Variants in TMEM266 observed in about 807,000 individuals in gnomAD.
The protein encoded by TMEM266 is Hv1 related protein 1.
In TMEM266, 33 loss-of-function variants were observed where a neutral mutation model predicts 50.5. That is an observed-to-expected ratio of 0.65 (90% CI 0.50 to 0.87). TMEM266 has a LOEUF of 0.87. TMEM266 is among the 40% of genes least tolerant of loss of function. The pLI is 0.00. For synonymous variants in TMEM266, 310 were observed against 292.3 expected (o/e 1.06, Z -0.62); for missense variants, 655 against 695.1 (o/e 0.94, Z 0.65).
chr15:76,069,344 G>A (rs895497863), intron 1 of TMEM266, among the ~76,000 whole-genome samples: 3 of 152,202 alleles, frequency 2.0e-5, no homozygotes, highest in Non-Finnish European at 2.9e-5. Flanking sequence ...CTGGTTTGGT[G>A]ATGAACCACC....
intron 5 of TMEM266, among the ~76,000 whole-genome samples, chr15:76,164,405 G>A (rs577580612): frequency 2.0e-5 from 3 of 152,024 alleles, no homozygotes; most frequent in Admixed American, 6.5e-5. Flanking sequence ...ATGGGGTTTC[G>A]CCATGTTGCC....
chr15:76,169,214 A>C (rs1281985516), intron 5 of TMEM266, among the ~76,000 whole-genome samples: 1 of 151,956 alleles, frequency 6.6e-6, no homozygotes, highest in Non-Finnish European at 1.5e-5. Context: ...CTTGCTACCC[A>C]TTGGCCAGAA....
chr15:76,072,805 T>G (rs1259598758), intron 1 of TMEM266, among the ~76,000 whole-genome samples: 2 of 151,298 alleles, frequency 1.3e-5, no homozygotes, highest in Non-Finnish European at 2.9e-5. Context: ...GCCCAGCTAA[T>G]TTTTGTATTT....
At chr15:76,152,384 C>T (rs1012695592) in intron 3 of TMEM266, among the ~76,000 whole-genome samples, 10 of 152,172 alleles carry the variant, frequency 6.6e-5, no homozygotes, top group African/African-American at 1.9e-4. Flanking sequence ...CCCAGAGCAG[C>T]GTGGCACAGG....
intron 3 of TMEM266, among the ~76,000 whole-genome samples, chr15:76,149,765 T>C (rs2037809954): frequency 6.6e-6 from 1 of 152,206 alleles, no homozygotes; most frequent in Non-Finnish European, 1.5e-5. Context: ...GACTTGCCTT[T>C]TAAAGCAACT....
chr15:76,127,851 G>T (rs1056154328), intron 1 of TMEM266, among the ~76,000 whole-genome samples: 1 of 152,084 alleles, frequency 6.6e-6, no homozygotes, highest in African/African-American at 2.4e-5. Context: ...AGTGTGGTCG[G>T]TGGGTCAGCA....
chr15:76,160,105 A>T lies in TMEM266; in HGVS notation c.393A>T (p.Ala131=). Residue 131 remains alanine, a synonymous_variant, in exon 5 of 11, where the codon GCA becomes GCT. Coordinates refer to ENST00000388942, the MANE Select transcript of TMEM266 (RefSeq NM_152335.3). This position sits in a 1 kb window ranked among gnomAD's most constrained non-coding sequence, Gnocchi z 5.7. Reference sequence around the variant, plus strand: ...TCGTGTCCATTGCAGTTTCCAGCGCATTCCAGTTTGCTGGCGTGATTCACT... The same window carrying T: ...TCGTGTCCATTGCAGTTTCCAGCGCTTTCCAGTTTGCTGGCGTGATTCACT... 1 of 1,614,188 alleles carries T rather than the reference A, an allele frequency of 6.2e-7. No homozygotes were observed. Among genetic ancestry groups the T allele is most frequent in the Non-Finnish European group, 8.5e-7 (1 of 1,180,030 alleles).
intron 1 of TMEM266, among the ~76,000 whole-genome samples, chr15:76,086,566 G>A (rs2036779924): frequency 6.6e-6 from 1 of 152,226 alleles, no homozygotes; most frequent in South Asian, 2.1e-4. Flanking sequence ...CAGGCTGGGA[G>A]CAGCCCAAGC....
chr15:76,061,093 G>T (rs1321967368), intron 1 of TMEM266, among the ~76,000 whole-genome samples: 2 of 152,148 alleles, frequency 1.3e-5, no homozygotes, highest in Admixed American at 6.6e-5. Context: ...GTATATAACT[G>T]CTTACCTCCT....
At chr15:76,127,756 C>T (rs926344733) in intron 1 of TMEM266, among the ~76,000 whole-genome samples, 1 of 152,120 alleles carries the variant, frequency 6.6e-6, no homozygotes, top group Non-Finnish European at 1.5e-5. Flanking sequence ...AACACAGTAG[C>T]TTTGCAACCA....
chr15:76,105,961 C>T (rs915300274), intron 1 of TMEM266, among the ~76,000 whole-genome samples: 5 of 152,110 alleles, frequency 3.3e-5, no homozygotes, highest in Non-Finnish European at 7.4e-5. Context: ...AGCCTGGATA[C>T]CCAGGAAAGA....
At chr15:76,163,164 C>A (rs2038043518) in intron 5 of TMEM266, among the ~76,000 whole-genome samples, 1 of 152,194 alleles carries the variant, frequency 6.6e-6, no homozygotes. Context: ...CAAGTGCAGG[C>A]CTCTGGGTGG....
chr15:76,071,102 A>G (rs1016552689), intron 1 of TMEM266, among the ~76,000 whole-genome samples: 1 of 151,778 alleles, frequency 6.6e-6, no homozygotes, highest in African/African-American at 2.4e-5. Context: ...GGAGGCAGCC[A>G]CTCCTTTCTG....
intron 4 of TMEM266, among the ~76,000 whole-genome samples, chr15:76,158,811 C>G (rs2037967267): frequency 6.6e-6 from 1 of 152,234 alleles, no homozygotes; most frequent in Non-Finnish European, 1.5e-5. Context: ...AGCTCATCTT[C>G]TAAGGGTCGT....
At chr15:76,149,877 A>G (rs2037811870) in intron 3 of TMEM266, among the ~76,000 whole-genome samples, 1 of 152,280 alleles carries the variant, frequency 6.6e-6, no homozygotes, top group African/African-American at 2.4e-5. Flanking sequence ...TGTCAATGAC[A>G]GAAGTTACAT....
intron 3 of TMEM266, among the ~76,000 whole-genome samples, chr15:76,144,007 G>A (rs2037719649): frequency 6.6e-6 from 1 of 151,974 alleles, no homozygotes; most frequent in Admixed American, 6.6e-5. Context: ...CTCTGAGTTG[G>A]CTGCATACTT....
intron 1 of TMEM266, among the ~76,000 whole-genome samples, chr15:76,066,023 C>T (rs1295376396): frequency 6.6e-6 from 1 of 152,166 alleles, no homozygotes; most frequent in Non-Finnish European, 1.5e-5. Context: ...GACAGCCTCC[C>T]TTGGGCATGG....
At chr15:76,150,026 A>C (rs1359509319) in intron 3 of TMEM266, among the ~76,000 whole-genome samples, 1 of 152,224 alleles carries the variant, frequency 6.6e-6, no homozygotes, top group African/African-American at 2.4e-5. Context: ...GTTCAGCATC[A>C]TAGAACTGGC....
Position 76,153,821 on chromosome 15 carries a change from C to A in TMEM266, c.228-2783C>A, listed in dbSNP as rs2037880699. ...GAGGAGGGTGGCCAAGTGATGATAG[C>A]CAAAGATATCTTAAAATGCAAAGGC... On this transcript the variant is annotated intron_variant, in intron 3 of 10. Transcript: ENST00000388942. The surrounding 1 kb of genome is among the most constrained non-coding windows in gnomAD (Gnocchi z 4.2). Among the ~76,000 whole-genome samples the A allele has an allele frequency of 6.6e-6, 1 of 152,094 alleles. No homozygotes were observed. The highest frequency in any genetic ancestry group is 1.5e-5 in the Non-Finnish European group (1 of 68,000).
Sources: allele counts gnomAD v4.1 joint callset (sites outside exome capture counted in the v4.1 genomes callset), GRCh38; gene constraint gnomAD v4.1.1; non-coding constraint Gnocchi (gnomAD v3.1); transcripts MANE v1.5; gene names NCBI Gene and HGNC (gene_info 2026-07-23, HGNC 2026-07-21).